GSE1: variants seen among roughly 807,000 people sequenced by gnomAD.
The protein encoded by GSE1 is Gse1 coiled-coil protein, also known as genetic suppressor element 1.
Under a neutral mutation model 112.6 loss-of-function variants are expected in GSE1, and 32 were observed. The ratio of observed to expected loss-of-function variants is 0.28; its 90% CI spans 0.21 to 0.38. The LOEUF is 0.38. Among genes scored for constraint, GSE1 ranks in the 10% least tolerant of loss-of-function variants. GSE1 has a pLI of 1.00. For missense variants in GSE1, 2,348 were observed against 1,699.2 expected (o/e 1.38, Z -6.71); for synonymous variants, 1,115 against 735.6 (o/e 1.52, Z -8.35).
intron 1 of GSE1, among the ~76,000 whole-genome samples, chr16:85,191,140 A>T (rs2074811303): frequency 6.6e-6 from 1 of 152,022 alleles, no homozygotes; most frequent in South Asian, 2.1e-4. Context: ...TGTGCCTGTA[A>T]TCCCAGCTAC....
intron 2 of GSE1, among the ~76,000 whole-genome samples, chr16:85,445,335 C>G (rs1407674578): frequency 1.3e-5 from 2 of 152,230 alleles, no homozygotes; most frequent in African/African-American, 4.8e-5. Context: ...GCGAACCCCC[C>G]CACTCTGCAA....
chr16:85,560,726 C>T (rs538181908), intron 1 of GSE1, among the ~76,000 whole-genome samples: 2 of 152,250 alleles, frequency 1.3e-5, no homozygotes, highest in East Asian at 3.9e-4. Context: ...CTAGATCCCC[C>T]CTTTCCTGAA....
intron 1 of GSE1, among the ~76,000 whole-genome samples, chr16:85,564,680 A>C (rs1466932405): frequency 6.6e-6 from 1 of 152,090 alleles, no homozygotes; most frequent in African/African-American, 2.4e-5. Flanking sequence ...CGTCCTTCAG[A>C]GGCACCATGG....
In GSE1 at chr16:85,667,835, T is replaced by C. The variant is rs1239823571; in HGVS notation, c.3131-305T>C. On this transcript the variant is annotated intron_variant, in intron 13 of 15. Coordinates refer to ENST00000253458, the MANE Select transcript of GSE1 (RefSeq NM_014615.5). ...ATCACGCCATTTCTCTCCAGCCTGC[T>C]ACCCAGAGGACTGAGGGCAGCCAAA... Among the ~76,000 whole-genome samples the C allele has an allele frequency of 3.3e-5, 5 of 152,172 alleles. 1 individual carries two copies. Among genetic ancestry groups the C allele is most frequent in the Admixed American group, 2.0e-4 (3 of 15,274 alleles).
At chr16:85,240,275 G>C (rs1483383910) in intron 1 of GSE1, among the ~76,000 whole-genome samples, 3 of 152,154 alleles carry the variant, frequency 2.0e-5, no homozygotes, top group African/African-American at 7.2e-5. Context: ...TTAGCCCAGG[G>C]GCTTCCCCAG....
intron 1 of GSE1, among the ~76,000 whole-genome samples, chr16:85,354,081 A>G (rs1034059925): frequency 1.3e-5 from 2 of 152,128 alleles, no homozygotes; most frequent in African/African-American, 2.4e-5. Context: ...CCCACTTCAC[A>G]TTCCAGCTGC....
chr16:85,248,835 T>C (rs529599107), intron 1 of GSE1, among the ~76,000 whole-genome samples: 46 of 151,926 alleles, frequency 3.0e-4, no homozygotes, highest in Non-Finnish European at 1.2e-4. Context: ...TCCTGGGAGG[T>C]GTGGAGTCAG....
intron 1 of GSE1, among the ~76,000 whole-genome samples, chr16:85,567,318 G>C (rs927533520): frequency 6.6e-6 from 1 of 152,190 alleles, no homozygotes; most frequent in South Asian, 2.1e-4. Flanking sequence ...GCTGCTGTGC[G>C]TTGGAAATTC....
chr16:85,268,405 C>T (rs374340612), intron 1 of GSE1, among the ~76,000 whole-genome samples: 16 of 152,204 alleles, frequency 1.1e-4, no homozygotes, highest in African/African-American at 3.6e-4. Flanking sequence ...CCCTCTGCAT[C>T]GTGCACTCAG....
intron 2 of GSE1, among the ~76,000 whole-genome samples, chr16:85,374,508 A>C (rs1181288636): frequency 7.4e-6 from 1 of 135,218 alleles, no homozygotes; most frequent in African/African-American, 2.8e-5. Flanking sequence ...TCAGTGTATA[A>C]TGTGTGTCAG....
At chr16:85,320,239 C>T (rs1288714144) in intron 1 of GSE1, among the ~76,000 whole-genome samples, 6 of 152,148 alleles carry the variant, frequency 3.9e-5, no homozygotes, top group Non-Finnish European at 5.9e-5. Context: ...GGTCGCCCTC[C>T]GTGGAGGGAG....
rs370116295 is a variant in GSE1 at position 85,206,221 on chromosome 16, G to T, written c.2283+34414G>T. 2.3e-3 allele frequency among the ~76,000 whole-genome samples: 345 copies of T among 152,242 alleles called. 2 individuals carry two copies. Among genetic ancestry groups the T allele is most frequent in the African/African-American group, 7.9e-3 (328 of 41,552 alleles). ...GGGGCGCATGTGCAAAGGGCGCCGG[G>T]TGTGGTGGGAAGACCTGTGTTTGGC... On this transcript the variant is annotated intron_variant, in intron 1 of 2. Coordinates refer to the GSE1 transcript ENST00000637419.
Position 85,634,092 on chromosome 16 carries a change from C to T in GSE1, c.186C>T (p.Ala62=), listed in dbSNP as rs748390732. The change falls in exon 2 of 16, where the codon GCC becomes GCT. Residue 62 remains alanine (A), a synonymous_variant. Coordinates refer to ENST00000253458, the MANE Select transcript of GSE1 (RefSeq NM_014615.5). ...CCGCGCCATCCTCCAGCTTTGCCGC[C>T]GCGCTGCGCAAGCTCGCCAAACAGG... The part of the protein sequence containing the change: ...AQAAPSSSFA[A]ALRKLAKQAE... 167 of 1,589,440 alleles carry T rather than the reference C, an allele frequency of 1.1e-4. No individual in the cohort carries two copies. In the Middle Eastern group the frequency reaches 1.5e-3, roughly 14 times the overall value.
chr16:85,421,292 G>T (rs1174042403), intron 2 of GSE1, among the ~76,000 whole-genome samples: 1 of 152,096 alleles, frequency 6.6e-6, no homozygotes, highest in Admixed American at 6.5e-5. Flanking sequence ...GCCCCAGATT[G>T]CAGGGGGATG....
intron 2 of GSE1, among the ~76,000 whole-genome samples, chr16:85,538,471 G>C (rs1374931190): frequency 6.6e-6 from 1 of 152,210 alleles, no homozygotes; most frequent in Admixed American, 6.5e-5. Context: ...GTCCCCAGCA[G>C]CCTTTCACCT....
intron 2 of GSE1, among the ~76,000 whole-genome samples, chr16:85,425,635 C>T (rs531382170): frequency 3.3e-5 from 5 of 152,172 alleles, no homozygotes; most frequent in Non-Finnish European, 7.3e-5. Flanking sequence ...CCACCCCACC[C>T]ACCCTCCAAG....
intron 2 of GSE1, among the ~76,000 whole-genome samples, chr16:85,446,396 T>G (rs1189535803): frequency 6.6e-6 from 1 of 152,176 alleles, no homozygotes; most frequent in African/African-American, 2.4e-5. Context: ...AACCTCATAG[T>G]GCTGGAGACG....
At chr16:85,587,766 T>C (rs1567618703) in intron 1 of GSE1, among the ~76,000 whole-genome samples, 1 of 151,988 alleles carries the variant, frequency 6.6e-6, no homozygotes, top group East Asian at 1.9e-4. Flanking sequence ...GCGGATAAAA[T>C]GTTACAGGAC....
chr16:85,270,250 A>C (rs1034163362), intron 1 of GSE1, among the ~76,000 whole-genome samples: 3 of 148,818 alleles, frequency 2.0e-5, no homozygotes, highest in African/African-American at 7.3e-5. Flanking sequence ...TCTGGGGACA[A>C]AACAGAACCA....
Sources: allele counts gnomAD v4.1 joint callset (sites outside exome capture counted in the v4.1 genomes callset), GRCh38; gene constraint gnomAD v4.1.1; transcripts MANE v1.5; gene names NCBI Gene and HGNC (gene_info 2026-07-23, HGNC 2026-07-21).